GALNT14: variants seen among roughly 807,000 people sequenced by gnomAD.
GALNT14 encodes UDP-GalNAc:polypeptide N-acetylgalactosaminyltransferase 14.
In GALNT14, 60 loss-of-function variants were observed where a neutral mutation model predicts 77.5. The observed-to-expected ratio is 0.77, with a 90% confidence interval of 0.63 to 0.96. GALNT14 has a LOEUF of 0.96. Among genes scored for constraint, GALNT14 ranks in the 40% least tolerant of loss-of-function variants. The pLI, the probability that GALNT14 is intolerant of heterozygous loss-of-function variation, is 0.00. For missense variants in GALNT14, 710 were observed against 731.0 expected, an observed-to-expected ratio of 0.97 and a Z score of 0.33; for synonymous variants, 280 against 281.7, an observed-to-expected ratio of 0.99 and a Z score of 0.06.
intron 13 of GALNT14, among the ~76,000 whole-genome samples, chr2:30,922,689 G>C (rs988758872): frequency 6.6e-6 from 1 of 152,190 alleles, no homozygotes; most frequent in Non-Finnish European, 1.5e-5. Context: ...GCCATCTCTT[G>C]CAACTTCTAT....
chr2:31,126,515 G>T (rs1371653540), intron 1 of GALNT14, among the ~76,000 whole-genome samples: 1 of 152,182 alleles, frequency 6.6e-6, no homozygotes, highest in Non-Finnish European at 1.5e-5. Flanking sequence ...GTGCAGTGTT[G>T]TTAAAAAGAA....
intron 8 of GALNT14, among the ~76,000 whole-genome samples, chr2:30,943,532 T>TC (rs199702020): frequency 0.013 from 2,026 of 152,224 alleles, 30 homozygotes; most frequent in Non-Finnish European, 0.017. Context: ...AGCAGAGCTA[T>TC]CCCACAAGAA....
the GALNT14 span, among the ~76,000 whole-genome samples, chr2:30,900,856 T>A: frequency 2.0e-5 from 3 of 152,202 alleles, no homozygotes; most frequent in Non-Finnish European, 4.4e-5. Context: ...AATCACAGCC[T>A]CTTGGGTGGC....
intron 9 of GALNT14, among the ~76,000 whole-genome samples, chr2:30,938,367 C>CACACAT (rs1666182355): frequency 6.9e-6 from 1 of 145,936 alleles, no homozygotes; most frequent in East Asian, 2.0e-4. Flanking sequence ...TTTACACACA[C>CACACAT]ACACACACAC....
At chr2:30,959,842 G>A (rs1016615461) in intron 3 of GALNT14, among the ~76,000 whole-genome samples, 2 of 152,122 alleles carry the variant, frequency 1.3e-5, no homozygotes, top group African/African-American at 4.8e-5. Context: ...CCCAAACCAC[G>A]TGACTACTCA....
chr2:31,044,006 G>C (rs1673265026), intron 1 of GALNT14, among the ~76,000 whole-genome samples: 1 of 152,190 alleles, frequency 6.6e-6, no homozygotes, highest in Non-Finnish European at 1.5e-5. Flanking sequence ...CTGTTGTCAA[G>C]TTTGCAGGCT....
intron 1 of GALNT14, among the ~76,000 whole-genome samples, chr2:31,136,691 C>T (rs1374558710): frequency 6.6e-6 from 1 of 152,156 alleles, no homozygotes; most frequent in African/African-American, 2.4e-5. Flanking sequence ...AAAGGGGAAA[C>T]CGAGAGGCAA....
intron 1 of GALNT14, among the ~76,000 whole-genome samples, chr2:30,997,313 C>T (rs559915043): frequency 2.0e-5 from 3 of 152,320 alleles, no homozygotes; most frequent in Admixed American, 2.0e-4. Context: ...GTGGGGTGTT[C>T]TGGCCACACC....
intron 1 of GALNT14, among the ~76,000 whole-genome samples, chr2:31,080,996 T>C (rs1394057931): frequency 6.6e-6 from 1 of 152,200 alleles, no homozygotes; most frequent in African/African-American, 2.4e-5. Flanking sequence ...TCAAGATTTT[T>C]ATTTGGCCTC....
chr2:31,112,609 A>G (rs1677900546), intron 1 of GALNT14, among the ~76,000 whole-genome samples: 1 of 152,220 alleles, frequency 6.6e-6, no homozygotes, highest in Admixed American at 6.5e-5. Context: ...AGTCCTTCTC[A>G]TTGGAAAGGA....
intron 1 of GALNT14, among the ~76,000 whole-genome samples, chr2:31,083,303 CCAAGCACCACACG>C (rs1269168627): frequency 2.0e-5 from 3 of 152,088 alleles, no homozygotes; most frequent in Non-Finnish European, 4.4e-5. Flanking sequence ...AAGCAGGGAG[CCAAGCACCACACG>C]TTCTTGGATA....
At chr2:30,908,578 A>T, downstream of GALNT14, among the ~76,000 whole-genome samples, 1 of 145,650 alleles carries the variant, frequency 6.9e-6, no homozygotes, top group Non-Finnish European at 1.5e-5. Flanking sequence ...CAAATGGAAG[A>T]ACATTCCATG....
At chr2:30,960,423 G>T (rs558299653) in intron 3 of GALNT14, among the ~76,000 whole-genome samples, 2 of 152,056 alleles carry the variant, frequency 1.3e-5, no homozygotes, top group Non-Finnish European at 2.9e-5. Context: ...AATCGCGTGC[G>T]GCTCTGCACT....
chr2:30,956,033 C>T lies in GALNT14; in HGVS notation c.467-56G>A, dbSNP rs1196857510. 14 of 1,565,826 alleles carry T rather than the reference C, an allele frequency of 8.9e-6. No homozygotes were observed. The East Asian group carries it at 1.6e-4, about 18-fold the overall frequency. ...CGCCCAGGGATGGACCTACGTGTTACAATTGTGTGCACTGCAGGTGAACCT... is the reference window on the plus strand; with the variant it reads ...CGCCCAGGGATGGACCTACGTGTTATAATTGTGTGCACTGCAGGTGAACCT... On this transcript the variant is annotated intron_variant, in intron 4 of 14. Transcript: ENST00000349752.
chr2:30,910,673 G>T lies in GALNT14; in HGVS notation c.*228C>A. The T allele has an allele frequency of 2.0e-6, 1 of 496,638 alleles. No individual in the cohort carries two copies. The highest frequency in any genetic ancestry group is 2.9e-5 in the South Asian group (1 of 33,956). 30.8% of individuals were successfully genotyped at this position (496,638 alleles called of 1,614,324 possible). ...ATCAGGGAATGACTGGCCAGGACTG[G>T]AACTTAACGGCCTTGAGAACATGTG... On this transcript the variant is annotated 3_prime_UTR_variant, in exon 15 of 15. Coordinates refer to ENST00000349752, the MANE Select transcript of GALNT14 (RefSeq NM_024572.4).
chr2:30,934,408 C>G lies in GALNT14; in HGVS notation c.932-2214G>C, dbSNP rs574178299. 2.6e-5 allele frequency among the ~76,000 whole-genome samples: 4 copies of G among 152,284 alleles called. No homozygotes were observed. In the South Asian group the frequency reaches 8.3e-4, roughly 32 times the overall value. ...ACACTAGAGATGGAGTCCTTGCTCG[C>G]TAGATATAACTTACACATCTTGTGC... On this transcript the variant is annotated intron_variant, in intron 9 of 14. Transcript: ENST00000349752.
intron 1 of GALNT14, among the ~76,000 whole-genome samples, chr2:31,108,988 G>A (rs987947811): frequency 2.0e-5 from 3 of 152,156 alleles, no homozygotes; most frequent in African/African-American, 7.2e-5. Flanking sequence ...ATCAACCACG[G>A]AGAGGGCAAG....
At chr2:31,018,026 G>A (rs959088337) in intron 1 of GALNT14, among the ~76,000 whole-genome samples, 1 of 152,186 alleles carries the variant, frequency 6.6e-6, no homozygotes, top group African/African-American at 2.4e-5. Context: ...TCCCGAGTAC[G>A]GTCAGGGCCA....
intron 1 of GALNT14, among the ~76,000 whole-genome samples, chr2:31,121,113 T>G (rs1164611114): frequency 6.6e-6 from 1 of 152,206 alleles, no homozygotes; most frequent in East Asian, 1.9e-4. Flanking sequence ...CCAACCAATG[T>G]GCATGGACTC....
Sources: gnomAD v4.1 joint callset for allele counts (sites outside exome capture counted in the v4.1 genomes callset) on GRCh38, gnomAD v4.1.1 for gene constraint, MANE v1.5 for transcripts, NCBI Gene and HGNC (gene_info 2026-07-23, HGNC 2026-07-21) for gene names.